Variants in CHRM2 observed in about 807,000 individuals in gnomAD.
The protein encoded by CHRM2 is cholinergic receptor muscarinic 2.
In CHRM2, 8 loss-of-function variants were observed where a neutral mutation model predicts 25.0. The ratio of observed to expected loss-of-function variants is 0.32; its 90% CI spans 0.19 to 0.58. The LOEUF is 0.58. CHRM2 is among the 20% of genes least tolerant of loss of function. The probability of loss-of-function intolerance (pLI) is 0.88; values close to 1 mark genes in which losing one functional copy is unlikely to be tolerated. For synonymous variants in CHRM2, 202 were observed against 205.7 expected, an observed-to-expected ratio of 0.98 and a Z score of 0.15; for missense variants, 440 against 567.1, an observed-to-expected ratio of 0.78 and a Z score of 2.28.
intron 2 of CHRM2, among the ~76,000 whole-genome samples, chr7:136,873,452 A>ATAC (rs1358561897): frequency 2.0e-5 from 3 of 152,238 alleles, no homozygotes; most frequent in Non-Finnish European, 4.4e-5. Flanking sequence ...ACAGCCAGGC[A>ATAC]TACCTAAGAA....
intron 2 of CHRM2, among the ~76,000 whole-genome samples, chr7:136,953,831 A>C (rs534440777): frequency 2.6e-5 from 4 of 152,256 alleles, no homozygotes; most frequent in African/African-American, 9.6e-5. Context: ...GTTGTACCCC[A>C]CTTGTCCTCA....
chr7:136,887,040 AG>A, intron 2 of CHRM2, among the ~76,000 whole-genome samples: 1 of 152,320 alleles, frequency 6.6e-6, no homozygotes, highest in African/African-American at 2.4e-5. Context: ...ACAAGTCAAA[AG>A]ATCTAATGTA....
chr7:136,960,442 G>T (rs1801001103), intron 2 of CHRM2, among the ~76,000 whole-genome samples: 1 of 152,196 alleles, frequency 6.6e-6, no homozygotes, highest in Non-Finnish European at 1.5e-5. Flanking sequence ...GGCTAAGCCA[G>T]AACATCCTAT....
intron 2 of CHRM2, among the ~76,000 whole-genome samples, chr7:136,927,291 T>A (rs1387293714): frequency 6.6e-6 from 1 of 152,182 alleles, no homozygotes; most frequent in Non-Finnish European, 1.5e-5. Context: ...CCTAATCTTC[T>A]GGATTATAGT....
intron 2 of CHRM2, among the ~76,000 whole-genome samples, chr7:136,969,345 G>C (rs1340658689): frequency 6.6e-6 from 1 of 152,038 alleles, no homozygotes; most frequent in East Asian, 1.9e-4. Flanking sequence ...ATTAAAGTTT[G>C]CTCTTTTTAA....
At chr7:136,890,410 T>C (rs137995010) in intron 2 of CHRM2, among the ~76,000 whole-genome samples, 4 of 152,368 alleles carry the variant, frequency 2.6e-5, no homozygotes, top group African/African-American at 9.6e-5. Context: ...GAGGGTTCTG[T>C]GACCACTGGC....
In CHRM2 at chr7:136,949,459, T is replaced by TAAAAAAA. The variant is rs386411435; in HGVS notation, c.-124-42715_-124-42709dup. Reference sequence around the variant, plus strand: ...TAACAAGACCCTGTCTCTGCAAAACTAAAAAAAAAAAAAAAAAAATCAGCC... The same window carrying TAAAAAAA: ...TAACAAGACCCTGTCTCTGCAAAACTAAAAAAAAAAAAAAAAAAAAAAAAAATCAGCC... On this transcript the variant is annotated intron_variant, in intron 2 of 3. Transcript: ENST00000680005. 5.8e-5 allele frequency among the ~76,000 whole-genome samples: 7 copies of TAAAAAAA among 120,854 alleles called. 1 individual carries two copies. The highest frequency in any genetic ancestry group is 2.3e-4 in the African/African-American group (7 of 30,266). 79.3% of individuals were successfully genotyped at this position (120,854 alleles called of 152,430 possible).
chr7:136,991,837 A>AT (rs1803252100), intron 2 of CHRM2, among the ~76,000 whole-genome samples: 2 of 152,240 alleles, frequency 1.3e-5, no homozygotes, highest in East Asian at 3.9e-4. Flanking sequence ...GCTGATTACC[A>AT]TTTTTTAATG....
intron 2 of CHRM2, among the ~76,000 whole-genome samples, chr7:136,943,893 A>G (rs977936061): frequency 2.0e-5 from 3 of 152,176 alleles, no homozygotes; most frequent in Admixed American, 6.6e-5. Context: ...CAGAGAGTTT[A>G]ATACATATAG....
chr7:136,931,941 G>C (rs557251048), intron 2 of CHRM2, among the ~76,000 whole-genome samples: 8 of 152,328 alleles, frequency 5.3e-5, no homozygotes, highest in African/African-American at 1.7e-4. Flanking sequence ...GTTATATTCT[G>C]TGTAGTCGTG....
chr7:136,944,396 A>G (rs1799945491), intron 2 of CHRM2, among the ~76,000 whole-genome samples: 1 of 152,062 alleles, frequency 6.6e-6, no homozygotes, highest in African/African-American at 2.4e-5. Flanking sequence ...AATTCTAACC[A>G]GGTTGCTGCA....
chr7:136,957,372 T>C (rs1800788336), intron 2 of CHRM2, among the ~76,000 whole-genome samples: 1 of 152,182 alleles, frequency 6.6e-6, no homozygotes, highest in African/African-American at 2.4e-5. Flanking sequence ...ATTGGCAAAA[T>C]ATTCAGTGCA....
intron 2 of CHRM2, among the ~76,000 whole-genome samples, chr7:136,959,953 A>AG (rs1323891736): frequency 2.6e-5 from 4 of 152,038 alleles, no homozygotes; most frequent in East Asian, 1.9e-4. Context: ...AGTGAAGGGT[A>AG]GGGGGCTACT....
chr7:136,969,834 A>C (rs541817517), intron 2 of CHRM2, among the ~76,000 whole-genome samples: 1 of 152,296 alleles, frequency 6.6e-6, no homozygotes, highest in African/African-American at 2.4e-5. Context: ...TGAAGTGCAG[A>C]TTAGTCAGCT....
intron 2 of CHRM2, chr7:136,872,017 A>G (rs1795859872): frequency 6.6e-6 from 1 of 152,234 alleles, no homozygotes. Context: ...TTAAAACTTA[A>G]AAAATTTAAC....
chr7:136,891,530 G>A lies in CHRM2; in HGVS notation c.-125+22112G>A, dbSNP rs73158706. 2.6e-3 allele frequency among the ~76,000 whole-genome samples: 391 copies of A among 152,214 alleles called. 1 individual carries two copies. The highest frequency in any genetic ancestry group is 3.5e-3 in the Non-Finnish European group (241 of 68,020). ...TGATGATGTTAAGCTTGATCACCTGGCCAAGATAGCATTTGCTGTGACTCA... is the reference window on the plus strand; with the variant it reads ...TGATGATGTTAAGCTTGATCACCTGACCAAGATAGCATTTGCTGTGACTCA... On this transcript the variant is annotated intron_variant, in intron 2 of 3. Transcript: ENST00000680005.
Position 137,019,480 on chromosome 7 carries a change from T to G in CHRM2, c.*3214T>G. The G allele has an allele frequency of 6.6e-6, 1 of 151,888 alleles. No homozygotes were observed. Among genetic ancestry groups the G allele is most frequent in the East Asian group, 1.9e-4 (1 of 5,142 alleles). 9.4% of individuals were successfully genotyped at this position (151,888 alleles called of 1,614,324 possible). A position where few individuals can be genotyped will look rare whatever the true frequency, so the allele number is the denominator to read the frequency against. On this transcript the variant is annotated 3_prime_UTR_variant, in exon 4 of 4. Transcript: ENST00000680005. ...TCAGTTTCTACTGGAGCTGCAATTT[T>G]TCCTTTCAAAAAATATTAAGAGCCT...
chr7:136,873,956 A>T (rs540991540), intron 2 of CHRM2, among the ~76,000 whole-genome samples: 107 of 152,332 alleles, frequency 7.0e-4, no homozygotes, highest in Admixed American at 2.0e-3. Context: ...AGCAATACTA[A>T]GACATTATTA....
intron 2 of CHRM2, among the ~76,000 whole-genome samples, chr7:136,885,400 A>G (rs931407169): frequency 6.6e-6 from 1 of 152,232 alleles, no homozygotes; most frequent in East Asian, 1.9e-4. Flanking sequence ...CCACATAAAG[A>G]GGACATTGTC....
Sources: gnomAD v4.1 joint callset for allele counts (sites outside exome capture counted in the v4.1 genomes callset) on GRCh38, gnomAD v4.1.1 for gene constraint, MANE v1.5 for transcripts, NCBI Gene and HGNC (gene_info 2026-07-23, HGNC 2026-07-21) for gene names.